FLRT1: variants seen among roughly 807,000 people sequenced by gnomAD.
The protein encoded by FLRT1 is fibronectin leucine rich transmembrane protein 1, also known as leucine-rich repeat transmembrane protein FLRT1.
In FLRT1, 14 loss-of-function variants were observed where a neutral mutation model predicts 30.9. The ratio of observed to expected loss-of-function variants is 0.45; its 90% confidence interval spans 0.30 to 0.71. The LOEUF (loss-of-function observed/expected upper bound fraction) is 0.71. FLRT1 is among the 30% of genes least tolerant of loss of function. The probability of loss-of-function intolerance (pLI) is 0.08; values close to 1 mark genes in which losing one functional copy is unlikely to be tolerated. For synonymous variants in FLRT1, 368 were observed against 430.4 expected, an observed-to-expected ratio of 0.85 and a Z score of 1.80; for missense variants, 737 against 949.2, an observed-to-expected ratio of 0.78 and a Z score of 2.94.
intron 1 of FLRT1, among the ~76,000 whole-genome samples, chr11:64,052,727 C>A (rs544793713): frequency 6.6e-6 from 1 of 152,382 alleles, no homozygotes; most frequent in South Asian, 2.1e-4. Flanking sequence ...CTGCCACAAC[C>A]TCCCAGCTTC....
In FLRT1 at chr11:64,104,064, TG is replaced by T. The variant is rs1268921621; in HGVS notation, c.-166del. Reference sequence around the variant, plus strand: ...CCTGGTAGGACCACGGGGCAGGGAATGTGAGCGCCATCTGAGCTCACGGTGT... The same window carrying T: ...CCTGGTAGGACCACGGGGCAGGGAATTGAGCGCCATCTGAGCTCACGGTGT... On this transcript the variant is annotated 5_prime_UTR_variant, in exon 2 of 3. It removes an upstream start codon present in the reference 5' UTR. Coordinates refer to ENST00000682287, the MANE Select transcript of FLRT1 (RefSeq NM_013280.5). 6.6e-6 allele frequency: 1 copy of T among 152,292 alleles called. No homozygotes were observed. Among genetic ancestry groups the T allele is most frequent in the Non-Finnish European group, 1.5e-5 (1 of 68,040 alleles). 9.4% of individuals were successfully genotyped at this position (152,292 alleles called of 1,614,324 possible).
At chr11:64,100,628 T>A (rs1363729983) in intron 1 of FLRT1, among the ~76,000 whole-genome samples, 1 of 152,184 alleles carries the variant, frequency 6.6e-6, no homozygotes, top group Non-Finnish European at 1.5e-5. Context: ...CTCCTTTGGT[T>A]CAGTGAATGC....
intron 1 of FLRT1, among the ~76,000 whole-genome samples, chr11:64,043,988 T>G (rs1943537620): frequency 6.6e-6 from 1 of 152,068 alleles, no homozygotes; most frequent in African/African-American, 2.4e-5. Flanking sequence ...TAATTTTTCA[T>G]ATTTTTAGTA....
chr11:64,075,214 C>T (rs1944179779), intron 1 of FLRT1, among the ~76,000 whole-genome samples: 1 of 152,258 alleles, frequency 6.6e-6, no homozygotes. Context: ...TTCTGATCCA[C>T]ATGCCAGCTC....
chr11:64,079,464 G>T (rs1944265835), intron 1 of FLRT1, among the ~76,000 whole-genome samples: 1 of 152,164 alleles, frequency 6.6e-6, no homozygotes, highest in Admixed American at 6.5e-5. Flanking sequence ...TGAGCAGCCG[G>T]GCACGCAGGG....
At position 64,117,115 on chromosome 11, in the gene FLRT1, G is replaced by A. The variant is rs1945000299; in HGVS notation, c.848G>A (p.Ser283Asn). The A allele has an allele frequency of 6.2e-7, 1 of 1,609,352 alleles. No individual in the cohort carries two copies. Among genetic ancestry groups the A allele is most frequent in the Admixed American group, 1.7e-5 (1 of 59,094 alleles). ...CTCTACCTGCAGGACAATGCCATCA[G>A]CCACATCCCCTACAACACGCTGGCC... ...QKLYLQDNAI[S>N]HIPYNTLAKM... Residue 283 changes from serine (S) to asparagine (N), a missense_variant, in exon 3 of 3, where the codon AGC (serine) becomes AAC (asparagine). Ser to Asn is a conservative substitution (Grantham distance 46). Coordinates refer to ENST00000682287, the MANE Select transcript of FLRT1 (RefSeq NM_013280.5).
intron 2 of FLRT1, among the ~76,000 whole-genome samples, chr11:64,111,179 C>T (rs1027238414): frequency 7.9e-5 from 12 of 152,256 alleles, no homozygotes; most frequent in Admixed American, 7.2e-4. Flanking sequence ...CCAGGGAATG[C>T]GGTGGCTTGC....
chr11:64,116,216 C>T lies in FLRT1; in HGVS notation c.-49-3C>T. On this transcript the variant is annotated splice_polypyrimidine_tract_variant and splice_region_variant and intron_variant, in intron 2 of 2. Transcript: ENST00000682287. The stretch of plus-strand genomic sequence containing the variant: ...CACTGCCCCTGTCCTGTGCTCCTTG[C>T]AGGTATTCAGGCTCCAGGCCAGGTG... 1.3e-6 allele frequency: 2 copies of T among 1,557,148 alleles called. No individual in the cohort carries two copies. Among genetic ancestry groups the T allele is most frequent in the South Asian group, 1.2e-5 (1 of 83,424 alleles).
At chr11:64,105,268 T>A (rs924140168) in intron 2 of FLRT1, among the ~76,000 whole-genome samples, 1 of 152,100 alleles carries the variant, frequency 6.6e-6, no homozygotes, top group Non-Finnish European at 1.5e-5. Context: ...GCCCCTCTAG[T>A]CCCTAGGAGG....
chr11:64,072,473 C>T (rs1944128352), intron 1 of FLRT1, among the ~76,000 whole-genome samples: 1 of 151,984 alleles, frequency 6.6e-6, no homozygotes, highest in African/African-American at 2.4e-5. Flanking sequence ...ATGAAACGTA[C>T]ATGTGGCATT....
chr11:64,109,143 C>G (rs975467675), intron 2 of FLRT1, among the ~76,000 whole-genome samples: 13 of 152,020 alleles, frequency 8.6e-5, no homozygotes, highest in Admixed American at 1.3e-4. Context: ...TGAGGCCAGA[C>G]AGGGATGGGG....
At chr11:64,053,724 C>G (rs1218528048) in intron 1 of FLRT1, among the ~76,000 whole-genome samples, 2 of 152,072 alleles carry the variant, frequency 1.3e-5, no homozygotes, top group Admixed American at 1.3e-4. Context: ...TTCTCCTTCC[C>G]TTGCCTTCCG....
chr11:64,072,210 C>A (rs1001866384), intron 1 of FLRT1, among the ~76,000 whole-genome samples: 1 of 152,090 alleles, frequency 6.6e-6, no homozygotes, highest in African/African-American at 2.4e-5. Flanking sequence ...GCTTCATCCT[C>A]AGCTGCTGTG....
chr11:64,104,636 T>C (rs1258500707), intron 2 of FLRT1, among the ~76,000 whole-genome samples: 1 of 151,924 alleles, frequency 6.6e-6, no homozygotes, highest in Non-Finnish European at 1.5e-5. Context: ...TCCACAAGTC[T>C]ATATCAGGGC....
rs1425763907 is a variant in FLRT1, at chr11:64,118,281, T to TCCTACACATGATGCCCG, written c.2017_*8dup. 2 of 1,568,644 alleles carry TCCTACACATGATGCCCG rather than the reference T, an allele frequency of 1.3e-6. No homozygotes were observed. The highest frequency in any genetic ancestry group is 1.7e-6 in the Non-Finnish European group (2 of 1,151,314). The stretch of plus-strand genomic sequence containing the variant: ...CGGCGGCATCCCCGACATAGACTAC[T>TCCTACACATGATGCCCG]CCTACACATGATGCCCGCCCACCCG... On this transcript the variant is annotated stop_gained and frameshift_variant, in exon 3 of 3. Coordinates refer to ENST00000682287, the MANE Select transcript of FLRT1 (RefSeq NM_013280.5). LOFTEE classifies it high-confidence loss of function.
intron 1 of FLRT1, among the ~76,000 whole-genome samples, chr11:64,099,369 A>G (rs554959256): frequency 1.3e-5 from 2 of 152,356 alleles, no homozygotes; most frequent in Admixed American, 6.5e-5. Context: ...TGGATCCCCA[A>G]TGTCTTGTAC....
At chr11:64,093,618 G>C (rs555359036) in intron 1 of FLRT1, among the ~76,000 whole-genome samples, 1 of 152,194 alleles carries the variant, frequency 6.6e-6, no homozygotes, top group African/African-American at 2.4e-5. Flanking sequence ...AGAACAGGTC[G>C]GTCTTCCTTC....
In FLRT1 at chr11:64,090,527, G is replaced by C. The variant is rs527786345; in HGVS notation, c.-1037-12667G>C. Among the ~76,000 whole-genome samples the C allele has an allele frequency of 6.6e-6, 1 of 152,232 alleles. No homozygotes were observed. The highest frequency in any genetic ancestry group is 1.9e-4 in the East Asian group (1 of 5,180). On this transcript the variant is annotated intron_variant, in intron 1 of 2. Coordinates refer to ENST00000682287, the MANE Select transcript of FLRT1 (RefSeq NM_013280.5). The surrounding 1 kb of genome is among the most constrained non-coding windows in gnomAD (Gnocchi z 4.7). ...CATTTGCTTCCCCGGGCCCTCCCTC[G>C]ACCGGCTCTGCCTGCTCACAGGTGG...
At chr11:64,051,048 G>A (rs1943684250) in intron 1 of FLRT1, among the ~76,000 whole-genome samples, 1 of 152,240 alleles carries the variant, frequency 6.6e-6, no homozygotes, top group Non-Finnish European at 1.5e-5. Context: ...TCCAAGGATT[G>A]AGGCTCAAGT....
Sources: allele counts gnomAD v4.1 joint callset (sites outside exome capture counted in the v4.1 genomes callset), GRCh38; gene constraint gnomAD v4.1.1; non-coding constraint Gnocchi (gnomAD v3.1); transcripts MANE v1.5; gene names NCBI Gene and HGNC (gene_info 2026-07-23, HGNC 2026-07-21).